The following DMD variants were observed in gnomAD, a reference collection of about 807,000 sequenced individuals.
DMD encodes the protein mutant dystrophin.
DMD carries 63 observed loss-of-function variants against 330.1 expected under a neutral mutation model. The observed-to-expected ratio is 0.19, with a 90% CI of 0.16 to 0.24. The LOEUF (loss-of-function observed/expected upper bound fraction) is 0.24. Ranked by LOEUF, DMD falls within the 10% of genes least tolerant of loss-of-function variation. The probability of loss-of-function intolerance (pLI) is 1.00; values close to 1 mark genes in which losing one functional copy is unlikely to be tolerated. For synonymous variants in DMD, 1,223 were observed against 959.8 expected, an observed-to-expected ratio of 1.27 and a Z score of -5.07; for missense variants, 3,344 against 2,684.1, an observed-to-expected ratio of 1.25 and a Z score of -5.43.
rs768297340 is a variant in DMD, at chrX:32,387,066, C to T, written c.4519-601G>A. On this transcript the variant is annotated intron_variant, in intron 32 of 78. Coordinates refer to ENST00000357033, the MANE Select transcript of DMD (RefSeq NM_004006.3). ...GTCCTTTTCAATGTTAATTAAATTA[C>T]ACAACTTTATTTTCTTAAAAGTGCT... 2.7e-5 allele frequency among the ~76,000 whole-genome samples: 3 copies of T among 110,883 alleles called. No individual in the cohort carries two copies. The South Asian group carries it at 1.1e-3, about 41-fold the overall frequency.
At chrX:33,331,204 C>T (rs900370685) in intron 1 of DMD, among the ~76,000 whole-genome samples, 7 of 111,574 alleles carry the variant, frequency 6.3e-5, no homozygotes, top group African/African-American at 2.3e-4. Context: ...CCACTGTGGC[C>T]ACCAAAACCA....
intron 7 of DMD, among the ~76,000 whole-genome samples, chrX:32,754,585 C>A (rs992952263): frequency 1.2e-4 from 13 of 110,054 alleles, no homozygotes; most frequent in Admixed American, 6.8e-4. Flanking sequence ...AGTATGATCT[C>A]TTCAACCTGA....
At chrX:31,784,046 C>T (rs1159949010) in intron 50 of DMD, among the ~76,000 whole-genome samples, 2 of 111,953 alleles carry the variant, frequency 1.8e-5, no homozygotes, top group African/African-American at 3.2e-5. Flanking sequence ...AATTAAAATA[C>T]TTCTTCAAGA....
chrX:32,984,390 G>A (rs1488545758), intron 2 of DMD, among the ~76,000 whole-genome samples: 1 of 111,853 alleles, frequency 8.9e-6, no homozygotes, highest in Non-Finnish European at 1.9e-5. Context: ...AAGTAGCTGG[G>A]ATTACAGGCA....
chrX:32,268,149 G>T (rs1432345695), intron 43 of DMD, among the ~76,000 whole-genome samples: 1 of 110,774 alleles, frequency 9.0e-6, no homozygotes, highest in African/African-American at 3.3e-5. Flanking sequence ...CCTTGCTAGG[G>T]TAATAATGCC....
intron 50 of DMD, among the ~76,000 whole-genome samples, chrX:31,777,258 T>C (rs981201409): frequency 9.0e-6 from 1 of 111,445 alleles, no homozygotes; most frequent in African/African-American, 3.3e-5. Flanking sequence ...GAGAAGATAA[T>C]GGAGGAAGAC....
Position 32,629,219 on chromosome X carries a change from C to T in DMD, c.1332-14766G>A, listed in dbSNP as rs894697401. Among the ~76,000 whole-genome samples, 32 of 111,536 alleles carry T rather than the reference C, an allele frequency of 2.9e-4. No homozygotes were observed. The Admixed American group carries it at 3.0e-3, about 11-fold the overall frequency. On this transcript the variant is annotated intron_variant, in intron 11 of 78. Transcript: ENST00000357033. ...CCAATGTTGGGTACATATTTATTTA[C>T]AATTGTTATGTCCTCTTGCTGAATT...
chrX:31,718,149 T>G (rs1369665262), intron 52 of DMD, among the ~76,000 whole-genome samples: 1 of 112,037 alleles, frequency 8.9e-6, no homozygotes, highest in Admixed American at 9.5e-5. Context: ...TGAAAGAAAA[T>G]ATCAGAGCAT....
chrX:32,278,018 G>A (rs1186529755), intron 43 of DMD, among the ~76,000 whole-genome samples: 6 of 111,018 alleles, frequency 5.4e-5, no homozygotes, highest in South Asian at 7.5e-4. Context: ...TCAACAAAAC[G>A]AAAAGTTGGT....
intron 44 of DMD, among the ~76,000 whole-genome samples, chrX:32,205,638 A>G (rs2097065099): frequency 8.9e-6 from 1 of 112,214 alleles, no homozygotes; most frequent in African/African-American, 3.2e-5. Context: ...TTAGGATTGT[A>G]TCAATTTCAA....
At chrX:31,688,673 G>C (rs2082874486) in intron 52 of DMD, among the ~76,000 whole-genome samples, 1 of 111,222 alleles carries the variant, frequency 9.0e-6, no homozygotes, top group South Asian at 3.8e-4. Flanking sequence ...CAAAAAAAGA[G>C]AATTTTAGAC....
At chrX:32,588,728 A>T (rs759699373) in intron 13 of DMD, among the ~76,000 whole-genome samples, 1 of 111,698 alleles carries the variant, frequency 9.0e-6, no homozygotes, top group Non-Finnish European at 1.9e-5. Flanking sequence ...TACCTTGAGA[A>T]ATGTTGACAA....
rs1019406365 is a variant in DMD, at chrX:32,806,210, A to T, written c.649+3283T>A. 2.6e-4 allele frequency among the ~76,000 whole-genome samples: 29 copies of T among 112,265 alleles called. No individual in the cohort carries two copies. In the East Asian group the frequency reaches 8.2e-3, roughly 32 times the overall value. On this transcript the variant is annotated intron_variant, in intron 7 of 78. Coordinates refer to ENST00000357033, the MANE Select transcript of DMD (RefSeq NM_004006.3). The stretch of plus-strand genomic sequence containing the variant: ...AGCAATCTCACGTGCAAAGACACAC[A>T]TAGGCTCAAAATAAAAGGATAGAGG...
chrX:32,797,619 CT>C (rs2076269055), intron 7 of DMD, among the ~76,000 whole-genome samples: 1 of 111,763 alleles, frequency 8.9e-6, no homozygotes, highest in African/African-American at 3.2e-5. Flanking sequence ...TAATATATTT[CT>C]TTAGTCTCAT....
chrX:32,837,871 G>GA (rs1009460007), intron 4 of DMD, among the ~76,000 whole-genome samples: 1 of 111,931 alleles, frequency 8.9e-6, no homozygotes, highest in African/African-American at 3.2e-5. Context: ...GCCTTGTTGA[G>GA]AGTTCAGACT....
At chrX:31,407,306 A>T (rs190416894) in intron 60 of DMD, among the ~76,000 whole-genome samples, 187 of 109,899 alleles carry the variant, frequency 1.7e-3, no homozygotes, top group Non-Finnish European at 2.9e-3. Context: ...CTGTGATTAC[A>T]GGTGCCTGTC....
At chrX:31,966,087 A>G (rs1271211063) in intron 45 of DMD, among the ~76,000 whole-genome samples, 1 of 111,379 alleles carries the variant, frequency 9.0e-6, no homozygotes, top group Non-Finnish European at 1.9e-5. Context: ...CTTAAAGTCC[A>G]TTACAAACGA....
chrX:31,424,779 T>C (rs1238097690), intron 60 of DMD, among the ~76,000 whole-genome samples: 1 of 112,126 alleles, frequency 8.9e-6, no homozygotes, highest in Non-Finnish European at 1.9e-5. Context: ...CTTTCCTCTA[T>C]CAAAAGGATG....
chrX:32,995,841 T>G (rs1027747681), intron 2 of DMD, among the ~76,000 whole-genome samples: 1 of 111,893 alleles, frequency 8.9e-6, no homozygotes, highest in Non-Finnish European at 1.9e-5. Flanking sequence ...TCAACACAAT[T>G]TTGAGTGTAA....
Sources: gnomAD v4.1 joint callset for allele counts (sites outside exome capture counted in the v4.1 genomes callset) on GRCh38, gnomAD v4.1.1 for gene constraint, MANE v1.5 for transcripts, NCBI Gene and HGNC (gene_info 2026-07-23, HGNC 2026-07-21) for gene names.